MCTP1: variants seen among roughly 807,000 people sequenced by gnomAD.
The protein encoded by MCTP1 is multiple C2 and transmembrane domain-containing protein 1.
In MCTP1, 69 loss-of-function variants were observed where a neutral mutation model predicts 120.6. That is an observed-to-expected ratio of 0.57 (90% CI 0.47 to 0.70). The LOEUF is 0.70. Among genes scored for constraint, MCTP1 ranks in the 30% least tolerant of loss-of-function variants. The pLI, the probability that MCTP1 is intolerant of heterozygous loss-of-function variation, is 0.00. For synonymous variants in MCTP1, 529 were observed against 493.1 expected (o/e 1.07, Z -0.96); for missense variants, 1,203 against 1,248.8 (o/e 0.96, Z 0.55).
Position 94,775,965 on chromosome 5 carries a change from T to TTATA in MCTP1, c.2610+3141_2610+3144dup, listed in dbSNP as rs141167179. ...TATATATTATAGAAATATATTTATA[T>TTATA]TATATATATATATATATTTAAAAAG... On this transcript the variant is annotated intron_variant, in intron 19 of 22. Transcript: ENST00000515393. Among the ~76,000 whole-genome samples, 1,316 of 145,590 alleles carry TTATA rather than the reference T, an allele frequency of 9.0e-3. 24 individuals are homozygous for TTATA. Among genetic ancestry groups the TTATA allele is most frequent in the African/African-American group, 0.031 (1,249 of 40,110 alleles).
At chr5:95,198,638 G>A (rs534232944) in intron 1 of MCTP1, among the ~76,000 whole-genome samples, 11 of 152,182 alleles carry the variant, frequency 7.2e-5, no homozygotes, top group African/African-American at 1.7e-4. Context: ...AGTTTTTAGC[G>A]TCTTTTCCCG....
chr5:94,984,475 T>G (rs1008252535), intron 2 of MCTP1, among the ~76,000 whole-genome samples: 4 of 152,124 alleles, frequency 2.6e-5, no homozygotes, highest in Non-Finnish European at 4.4e-5. Flanking sequence ...TAATGAGAGA[T>G]AAAACTATTC....
chr5:94,904,989 T>C (rs1806434690), intron 10 of MCTP1, among the ~76,000 whole-genome samples: 2 of 152,154 alleles, frequency 1.3e-5, no homozygotes, highest in Non-Finnish European at 2.9e-5. Flanking sequence ...GTTGCTTTAA[T>C]GGAGAAAAAC....
intron 1 of MCTP1, among the ~76,000 whole-genome samples, chr5:95,111,543 T>A (rs1167547610): frequency 6.6e-6 from 1 of 152,178 alleles, no homozygotes; most frequent in African/African-American, 2.4e-5. Context: ...ATAGCTCACA[T>A]TCTCAAACCC....
intron 1 of MCTP1, among the ~76,000 whole-genome samples, chr5:95,138,055 AT>A (rs1296254532): frequency 6.6e-6 from 1 of 151,542 alleles, no homozygotes; most frequent in Non-Finnish European, 1.5e-5. Flanking sequence ...ATTACTTCAA[AT>A]TTTTTTTTCA....
intron 2 of MCTP1, among the ~76,000 whole-genome samples, chr5:95,003,075 G>A (rs777818626): frequency 3.1e-4 from 47 of 152,114 alleles, no homozygotes; most frequent in Admixed American, 1.4e-3. Flanking sequence ...TCATTTTCTC[G>A]CCTGCCATCC....
At chr5:94,928,398 C>T (rs1013257370) in intron 6 of MCTP1, among the ~76,000 whole-genome samples, 4 of 152,036 alleles carry the variant, frequency 2.6e-5, no homozygotes, top group Non-Finnish European at 5.9e-5. Flanking sequence ...AATAATTTAA[C>T]CTTAGAATAA....
At chr5:95,010,839 C>T (rs1335825011) in intron 2 of MCTP1, among the ~76,000 whole-genome samples, 1 of 152,164 alleles carries the variant, frequency 6.6e-6, no homozygotes. Flanking sequence ...GACCCAGACT[C>T]AAAATTGTGG....
At position 95,145,789 on chromosome 5, in the gene MCTP1, G is replaced by A. The variant is rs542401283; in HGVS notation, c.721-128305C>T. Among the ~76,000 whole-genome samples, 3 of 152,256 alleles carry A rather than the reference G, an allele frequency of 2.0e-5. No homozygotes were observed. In the South Asian group the frequency reaches 6.2e-4, roughly 32 times the overall value. ...TTTGATATGCTGCTGAATTCAGTTT[G>A]CTAGTATTTTGTTGGGAATTTTTGT... On this transcript the variant is annotated intron_variant, in intron 1 of 22. Coordinates refer to ENST00000515393, the MANE Select transcript of MCTP1 (RefSeq NM_024717.7).
intron 19 of MCTP1, among the ~76,000 whole-genome samples, chr5:94,751,056 C>T (rs767652696): frequency 6.6e-6 from 1 of 152,096 alleles, no homozygotes; most frequent in Non-Finnish European, 1.5e-5. Flanking sequence ...CTCCTATATG[C>T]CCTTAAACAA....
At chr5:95,267,051 T>C (rs928868122) in intron 1 of MCTP1, among the ~76,000 whole-genome samples, 3 of 152,228 alleles carry the variant, frequency 2.0e-5, no homozygotes, top group African/African-American at 2.4e-5. Flanking sequence ...TTCATAAATA[T>C]GAATATTGGC....
chr5:95,013,997 A>G (rs1017376971), intron 2 of MCTP1, among the ~76,000 whole-genome samples: 1 of 152,000 alleles, frequency 6.6e-6, no homozygotes, highest in African/African-American at 2.4e-5. Flanking sequence ...GCAGTGTCTC[A>G]TGCTTGTATC....
intron 18 of MCTP1, among the ~76,000 whole-genome samples, chr5:94,785,762 G>C (rs535983816): frequency 6.6e-6 from 1 of 152,148 alleles, no homozygotes; most frequent in Admixed American, 6.5e-5. Flanking sequence ...GTTTTTAAGT[G>C]TCTAATAAAA....
intron 1 of MCTP1, among the ~76,000 whole-genome samples, chr5:95,210,243 C>T (rs574417098): frequency 2.0e-5 from 3 of 152,230 alleles, no homozygotes; most frequent in East Asian, 3.9e-4. Context: ...AACTTTCTGT[C>T]TTGTTCATCT....
At chr5:95,128,648 T>C (rs1195550392) in intron 1 of MCTP1, among the ~76,000 whole-genome samples, 1 of 152,168 alleles carries the variant, frequency 6.6e-6, no homozygotes, top group African/African-American at 2.4e-5. Context: ...AGTGGATTAG[T>C]GGTTGCTTAG....
chr5:94,992,407 A>T (rs1261659955), intron 2 of MCTP1, among the ~76,000 whole-genome samples: 1 of 152,140 alleles, frequency 6.6e-6, no homozygotes, highest in Non-Finnish European at 1.5e-5. Context: ...CAAGTGTAGG[A>T]GGCAGATGCT....
intron 1 of MCTP1, among the ~76,000 whole-genome samples, chr5:95,248,507 A>G (rs148607728): frequency 0.018 from 2,757 of 152,302 alleles, 48 homozygotes; most frequent in African/African-American, 0.038. Context: ...CCACTGCTCA[A>G]TGAAATAAAA....
intron 1 of MCTP1, among the ~76,000 whole-genome samples, chr5:95,217,521 T>C (rs1276761263): frequency 6.6e-6 from 1 of 152,210 alleles, no homozygotes; most frequent in Non-Finnish European, 1.5e-5. Flanking sequence ...CCTGCTTTCC[T>C]TCTGCAAAGG....
intron 1 of MCTP1, among the ~76,000 whole-genome samples, chr5:95,195,477 C>T (rs147480164): frequency 1.2e-3 from 182 of 152,204 alleles, no homozygotes; most frequent in African/African-American, 4.2e-3. Flanking sequence ...CTCTAGGCAG[C>T]ATGATCACAG....
Sources: gnomAD v4.1 joint callset for allele counts (sites outside exome capture counted in the v4.1 genomes callset) on GRCh38, gnomAD v4.1.1 for gene constraint, MANE v1.5 for transcripts, NCBI Gene and HGNC (gene_info 2026-07-23, HGNC 2026-07-21) for gene names.